Variants in ASIC2 observed in about 807,000 individuals in gnomAD.
ASIC2 encodes the protein acid sensing ion channel subunit 2.
A neutral mutation model predicts 57.3 loss-of-function variants in ASIC2; 25 were observed. That is an observed-to-expected ratio of 0.44 (90% CI 0.32 to 0.61). The LOEUF (loss-of-function observed/expected upper bound fraction) is 0.61. Ranked by LOEUF, ASIC2 falls within the 20% of genes least tolerant of loss-of-function variation. The pLI is 0.06. For synonymous variants in ASIC2, 319 were observed against 307.5 expected (o/e 1.04, Z -0.39); for missense variants, 641 against 738.1 (o/e 0.87, Z 1.52).
At chr17:33,502,727 C>T (rs1914138883) in intron 1 of ASIC2, among the ~76,000 whole-genome samples, 1 of 152,174 alleles carries the variant, frequency 6.6e-6, no homozygotes. Flanking sequence ...TTTTCTGGGT[C>T]CCAGTGTCCG....
At chr17:33,911,864 G>A (rs1915473274) in intron 1 of ASIC2, among the ~76,000 whole-genome samples, 1 of 152,090 alleles carries the variant, frequency 6.6e-6, no homozygotes, top group South Asian at 2.1e-4. Context: ...TCACAGGCCG[G>A]GTGTGGTAGC....
intron 1 of ASIC2, among the ~76,000 whole-genome samples, chr17:34,099,166 A>AGAGAGAGAGAG (rs1567820948): frequency 1.7e-4 from 1 of 5,956 alleles, no homozygotes; most frequent in African/African-American, 2.7e-4. Context: ...GAGAGAGAGA[A>AGAGAGAGAGAG]AGAAAGAAAG....
At chr17:33,422,546 A>G (rs1429750992) in intron 1 of ASIC2, among the ~76,000 whole-genome samples, 1 of 152,204 alleles carries the variant, frequency 6.6e-6, no homozygotes, top group Non-Finnish European at 1.5e-5. Flanking sequence ...AGTCCTGCCC[A>G]TGGCGGCTCC....
chr17:34,134,731 C>A (rs576755474), intron 1 of ASIC2, among the ~76,000 whole-genome samples: 5 of 152,322 alleles, frequency 3.3e-5, no homozygotes, highest in African/African-American at 1.2e-4. Context: ...CAAGATTAAT[C>A]AGGTCTGACC....
At chr17:33,829,418 T>G (rs1913036142) in intron 1 of ASIC2, among the ~76,000 whole-genome samples, 1 of 152,072 alleles carries the variant, frequency 6.6e-6, no homozygotes, top group African/African-American at 2.4e-5. Context: ...ATACTATGGA[T>G]GGGGATACAG....
chr17:33,013,166 G>A lies in ASIC2; in HGVS notation c.*799C>T, dbSNP rs1183300875. On this transcript the variant is annotated 3_prime_UTR_variant, in exon 10 of 10. Coordinates refer to ENST00000225823, the MANE Select transcript of ASIC2 (RefSeq NM_183377.2). ...TGCCAAAGAAAATGGAAAAACCAAA[G>A]CAAACCTCAGAACATCAAAACTAAA... The A allele has an allele frequency of 6.6e-6, 1 of 152,268 alleles. No homozygotes were observed. The highest frequency in any genetic ancestry group is 6.5e-5 in the Admixed American group (1 of 15,272). The allele number at this position is 152,268 out of a possible 1,614,324, so 9.4% of individuals were successfully genotyped here.
intron 1 of ASIC2, among the ~76,000 whole-genome samples, chr17:33,663,709 G>C (rs1170513029): frequency 6.6e-6 from 1 of 152,158 alleles, no homozygotes; most frequent in African/African-American, 2.4e-5. Flanking sequence ...GACACAGACT[G>C]TAATTTTAAA....
intron 1 of ASIC2, among the ~76,000 whole-genome samples, chr17:33,508,602 G>C (rs1373860324): frequency 1.3e-5 from 2 of 152,208 alleles, no homozygotes; most frequent in Non-Finnish European, 2.9e-5. Flanking sequence ...AAAGGCAGGA[G>C]AGTACATTTG....
rs936640509 is a variant in ASIC2 at position 33,293,257 on chromosome 17, C to G, written c.-1142G>C. On this transcript the variant is annotated 5_prime_UTR_variant, in exon 1 of 10. Transcript: ENST00000225823. Reference sequence around the variant, plus strand: ...CGCGCGACGCTGGCGCGGCTGGGCTCCGAGCACCTGCTCCTCAGCTCGCTG... The same window carrying G: ...CGCGCGACGCTGGCGCGGCTGGGCTGCGAGCACCTGCTCCTCAGCTCGCTG... Among the ~76,000 whole-genome samples, 1 of 151,934 alleles carries G rather than the reference C, an allele frequency of 6.6e-6. No homozygotes were observed. The highest frequency in any genetic ancestry group is 1.5e-5 in the Non-Finnish European group (1 of 67,932).
At chr17:33,908,138 C>T (rs560851896) in intron 1 of ASIC2, among the ~76,000 whole-genome samples, 1 of 152,272 alleles carries the variant, frequency 6.6e-6, no homozygotes, top group South Asian at 2.1e-4. Context: ...GCCCTGGAAC[C>T]CCCTTTGAGA....
intron 1 of ASIC2, among the ~76,000 whole-genome samples, chr17:34,105,977 C>T (rs75511989): frequency 0.046 from 6,925 of 151,956 alleles, 476 homozygotes; most frequent in African/African-American, 0.15. Flanking sequence ...AAAAATGCCT[C>T]TTATAATGTC....
chr17:33,025,977 C>G lies in ASIC2; in HGVS notation c.1144G>C (p.Ala382Pro). The G allele has an allele frequency of 1.2e-6, 2 of 1,613,564 alleles. No homozygotes were observed. The highest frequency in any genetic ancestry group is 1.7e-6 in the Non-Finnish European group (2 of 1,179,742). The change falls in exon 5 of 10, where the codon GCC (alanine) becomes CCC (proline). Residue 382 changes from alanine to proline, a missense_variant. Ala to Pro is a conservative substitution (Grantham distance 27). Transcript: ENST00000225823. ...NCRMVHMPGD[A>P]PFCTPEQHKE... The stretch of plus-strand genomic sequence containing the variant: ...TGCTGCTCAGGGGTACAAAAAGGGG[C>G]ATCCCCTGCAAAGAAGAAACACCAG...
chr17:33,430,845 A>C (rs954440293), intron 1 of ASIC2, among the ~76,000 whole-genome samples: 2 of 152,216 alleles, frequency 1.3e-5, no homozygotes, highest in East Asian at 3.8e-4. Flanking sequence ...CAAACAGAGC[A>C]ACTAGAGACC....
At chr17:33,576,669 T>C (rs560474230) in intron 1 of ASIC2, among the ~76,000 whole-genome samples, 1 of 152,272 alleles carries the variant, frequency 6.6e-6, no homozygotes, top group East Asian at 1.9e-4. Flanking sequence ...TAAGAACTCA[T>C]TGCAATCCAG....
At chr17:34,039,273 C>G in intron 1 of ASIC2, 2 of 1,613,224 alleles carry the variant, frequency 1.2e-6, no homozygotes, top group Non-Finnish European at 8.5e-7. Flanking sequence ...GGATGGAGAT[C>G]TGTTTTTGGG....
chr17:34,007,787 G>A (rs1906576029), intron 1 of ASIC2, among the ~76,000 whole-genome samples: 1 of 152,204 alleles, frequency 6.6e-6, no homozygotes, highest in African/African-American at 2.4e-5. Flanking sequence ...CCTTTGCAGG[G>A]TGTTCCCAAA....
chr17:34,033,538 G>C (rs1394368302), intron 1 of ASIC2, among the ~76,000 whole-genome samples: 2 of 152,096 alleles, frequency 1.3e-5, no homozygotes, highest in South Asian at 2.1e-4. Flanking sequence ...AGGAAATAGA[G>C]ACACAAAAAA....
intron 1 of ASIC2, among the ~76,000 whole-genome samples, chr17:33,652,953 A>G (rs1567679911): frequency 6.6e-6 from 1 of 152,236 alleles, no homozygotes; most frequent in East Asian, 1.9e-4. Context: ...GGTTGGTATC[A>G]AGAGATTTGG....
chr17:33,846,283 C>CA (rs1403410950), intron 1 of ASIC2, among the ~76,000 whole-genome samples: 3 of 152,236 alleles, frequency 2.0e-5, no homozygotes, highest in Non-Finnish European at 2.9e-5. Context: ...TGACAGTAAA[C>CA]AACAGCCAAG....
Sources: allele counts gnomAD v4.1 joint callset (sites outside exome capture counted in the v4.1 genomes callset), GRCh38; gene constraint gnomAD v4.1.1; transcripts MANE v1.5; gene names NCBI Gene and HGNC (gene_info 2026-07-23, HGNC 2026-07-21).